Variants in KIF4A observed in about 807,000 individuals in gnomAD.
KIF4A encodes chromosome-associated kinesin KIF4A.
A neutral mutation model predicts 105.9 loss-of-function variants in KIF4A; 7 were observed. The ratio of observed to expected loss-of-function variants is 0.07; its 90% CI spans 0.04 to 0.12. The LOEUF is 0.12. KIF4A is among the 10% of genes least tolerant of loss of function. The probability of loss-of-function intolerance (pLI) is 1.00; values close to 1 mark genes in which losing one functional copy is unlikely to be tolerated. For missense variants in KIF4A, 558 were observed against 929.2 expected, an observed-to-expected ratio of 0.60 and a Z score of 5.19; for synonymous variants, 281 against 331.3, an observed-to-expected ratio of 0.85 and a Z score of 1.65.
intron 7 of KIF4A, among the ~76,000 whole-genome samples, chrX:70,306,117 T>C (rs1255372859): frequency 8.9e-6 from 1 of 112,253 alleles, no homozygotes; most frequent in Non-Finnish European, 1.9e-5. Flanking sequence ...TTTGCATCTG[T>C]ATATGAGTTA....
chrX:70,298,068 C>T (rs1057092870), intron 4 of KIF4A, among the ~76,000 whole-genome samples: 8 of 108,909 alleles, frequency 7.3e-5, no homozygotes, highest in South Asian at 4.2e-4. Context: ...CCCAGGGGTC[C>T]GAGACCAGCC....
At chrX:70,408,096 T>G (rs1163822884) in intron 28 of KIF4A, among the ~76,000 whole-genome samples, 1 of 109,644 alleles carries the variant, frequency 9.1e-6, no homozygotes, top group Admixed American at 9.8e-5. Flanking sequence ...CAGTGAGATA[T>G]TTACTATTTG....
intron 7 of KIF4A, among the ~76,000 whole-genome samples, chrX:70,320,033 G>C (rs1476809091): frequency 9.0e-6 from 1 of 111,208 alleles, no homozygotes; most frequent in Non-Finnish European, 1.9e-5. Context: ...CTCTTAATTT[G>C]GCTTGTAAAG....
At chrX:70,415,184 AT>A (rs1429189264) in intron 28 of KIF4A, 1 of 169,834 alleles carries the variant, frequency 5.9e-6, no homozygotes, top group Non-Finnish European at 1.1e-5. Flanking sequence ...TATCAGGAGA[AT>A]GGGTAAATTG....
intron 18 of KIF4A, among the ~76,000 whole-genome samples, chrX:70,377,894 A>G (rs1190358255): frequency 1.8e-5 from 2 of 112,692 alleles, no homozygotes; most frequent in Admixed American, 9.4e-5. Flanking sequence ...AGATCGTGCC[A>G]CTGCACTCCA....
chrX:70,374,566 G>T (rs1334003457), intron 16 of KIF4A, among the ~76,000 whole-genome samples: 1 of 111,710 alleles, frequency 9.0e-6, no homozygotes, highest in Non-Finnish European at 1.9e-5. Context: ...TTTGTAAAAA[G>T]TTAGCATTTG....
At chrX:70,388,537 A>G (rs1375806261) in intron 20 of KIF4A, among the ~76,000 whole-genome samples, 1 of 111,949 alleles carries the variant, frequency 8.9e-6, no homozygotes, top group Admixed American at 9.5e-5. Flanking sequence ...TAGTTGCTAC[A>G]CATTCTTGCC....
intron 18 of KIF4A, among the ~76,000 whole-genome samples, chrX:70,382,933 C>T (rs1368450581): frequency 9.0e-6 from 1 of 110,573 alleles, no homozygotes; most frequent in African/African-American, 3.3e-5. Flanking sequence ...ACCTGTAATC[C>T]CAGCACTTTG....
At chrX:70,419,556 C>T in intron 29 of KIF4A, 105 bp from the exon 30 acceptor site, 1 of 990,146 alleles carries the variant, frequency 1.0e-6, no homozygotes, top group Non-Finnish European at 1.4e-6. Context: ...CTTCAGCTGA[C>T]TAATCAGGCA....
At chrX:70,319,646 A>G (rs899606593) in intron 7 of KIF4A, among the ~76,000 whole-genome samples, 9 of 112,399 alleles carry the variant, frequency 8.0e-5, no homozygotes, top group African/African-American at 2.6e-4. Context: ...GTATTTTGAC[A>G]GTATTGCAAG....
chrX:70,322,469 G>A (rs1012956991), intron 7 of KIF4A, among the ~76,000 whole-genome samples: 3 of 108,170 alleles, frequency 2.8e-5, no homozygotes, highest in African/African-American at 1.0e-4. Flanking sequence ...CCACCACCAC[G>A]CCCGGCTAAT....
chrX:70,411,304 TA>T (rs375572048), intron 28 of KIF4A, among the ~76,000 whole-genome samples: 267 of 98,807 alleles, frequency 2.7e-3, no homozygotes, highest in African/African-American at 5.0e-3. Context: ...ATTTAAAAAT[TA>T]AAAAAAAAAA....
chrX:70,415,489 TCTCA>T (rs2086339697), intron 28 of KIF4A: 1 of 163,448 alleles, frequency 6.1e-6, no homozygotes, highest in Admixed American at 8.5e-5. Context: ...GTGCTTGTGG[TCTCA>T]GATACGCTGG....
At position 70,375,214 on chromosome X, in the gene KIF4A, C is replaced by T. The variant is rs765737631; in HGVS notation, c.1789C>T (p.Arg597Cys). The change falls in exon 17 of 31, where the codon CGC becomes TGC. Residue 597 changes from arginine to cysteine, a missense_variant. Arg to Cys is a radical substitution (Grantham distance 180, BLOSUM62 -3). This residue lies in a region of KIF4A where 469 missense variants were observed against 680.4 expected (regional missense o/e 0.69). Coordinates refer to ENST00000374403, the MANE Select transcript of KIF4A (RefSeq NM_012310.5). ...KDANQAKLSERRRKRLQELEG... is the reference protein window; with the variant it reads ...KDANQAKLSECRRKRLQELEG... ...AGCATCTGTGTTTAGGTTGAGTGAG[C>T]GCCGCCGCAAACGTCTCCAGGAGCT... The T allele has an allele frequency of 2.1e-5, 25 of 1,207,830 alleles. No individual in the cohort carries two copies. Among genetic ancestry groups the T allele is most frequent in the East Asian group, 1.2e-4 (4 of 33,734 alleles).
chrX:70,314,139 C>T (rs1032099923), intron 7 of KIF4A, among the ~76,000 whole-genome samples: 1 of 111,430 alleles, frequency 9.0e-6, no homozygotes, highest in Non-Finnish European at 1.9e-5. Flanking sequence ...AGGTAGATTT[C>T]GAGGGTGGAA....
At chrX:70,306,492 CTTTCTT>C (rs2085827534) in intron 7 of KIF4A, among the ~76,000 whole-genome samples, 1 of 112,018 alleles carries the variant, frequency 8.9e-6, no homozygotes, top group Non-Finnish European at 1.9e-5. Context: ...CATCAGATGT[CTTTCTT>C]TTTCTTTTTC....
At position 70,302,286 on chromosome X, in the gene KIF4A, T is replaced by C. The variant is rs778537947; in HGVS notation, c.684-18T>C. 7 of 1,206,300 alleles carry C rather than the reference T, an allele frequency of 5.8e-6. No individual in the cohort carries two copies. Among genetic ancestry groups the C allele is most frequent in the Non-Finnish European group, 7.9e-6 (7 of 891,195 alleles). ...GCTTGTGTACCATTCTCACTGTGTCTTCCTTTCATTATCACAGGAATAGCA... is the reference window on the plus strand; with the variant it reads ...GCTTGTGTACCATTCTCACTGTGTCCTCCTTTCATTATCACAGGAATAGCA... On this transcript the variant is annotated intron_variant, in intron 6 of 30. Coordinates refer to ENST00000374403, the MANE Select transcript of KIF4A (RefSeq NM_012310.5).
At chrX:70,393,800 TC>T (rs2086246913) in intron 20 of KIF4A, among the ~76,000 whole-genome samples, 4 of 1,349 alleles carry the variant, frequency 3.0e-3, no homozygotes, top group Admixed American at 0.019. Context: ...TTTTCTTTTC[TC>T]TTTCTTTCTT....
At chrX:70,408,441 C>G (rs1404684195) in intron 28 of KIF4A, among the ~76,000 whole-genome samples, 1 of 112,220 alleles carries the variant, frequency 8.9e-6, no homozygotes, top group Non-Finnish European at 1.9e-5. Flanking sequence ...CCTACTCAAA[C>G]CTAGATGTTT....
Sources: gnomAD v4.1 joint callset for allele counts (sites outside exome capture counted in the v4.1 genomes callset) on GRCh38, gnomAD v4.1.1 for gene constraint, gnomAD v4.1.1 regional missense constraint, MANE v1.5 for transcripts, NCBI Gene and HGNC (gene_info 2026-07-23, HGNC 2026-07-21) for gene names.